The following HTR3B variants were observed in gnomAD, a reference collection of about 807,000 sequenced individuals.
HTR3B encodes the protein 5-hydroxytryptamine (serotonin) receptor 3B, ionotropic.
A neutral mutation model predicts 42.8 loss-of-function variants in HTR3B; 44 were observed. That is an observed-to-expected ratio of 1.03 (90% CI 0.81 to 1.32). The LOEUF is 1.32. HTR3B is among the 40% of genes most tolerant of loss of function. The probability of loss-of-function intolerance (pLI) is 0.00; values close to 1 mark genes in which losing one functional copy is unlikely to be tolerated. For synonymous variants in HTR3B, 203 were observed against 209.0 expected, an observed-to-expected ratio of 0.97 and a Z score of 0.25; for missense variants, 527 against 536.5, an observed-to-expected ratio of 0.98 and a Z score of 0.17.
intron 4 of HTR3B, 127 bp from the exon 5 acceptor site, chr11:113,932,162 T>C: frequency 1.3e-6 from 1 of 750,770 alleles, no homozygotes; most frequent in Non-Finnish European, 2.2e-6. Context: ...TCATGGAAAA[T>C]GCGATTCTGT....
intron 6 of HTR3B, among the ~76,000 whole-genome samples, chr11:113,940,400 C>G (rs1591586751): frequency 6.6e-6 from 1 of 152,204 alleles, no homozygotes; most frequent in Non-Finnish European, 1.5e-5. Context: ...CAACATAATA[C>G]CCCCATGGAC....
At chr11:113,899,767 G>A in the HTR3B span, among the ~76,000 whole-genome samples, 129 of 152,228 alleles carry the variant, frequency 8.5e-4, no homozygotes, top group African/African-American at 2.6e-3. Context: ...GACATCGGTC[G>A]ATCTAATAGG....
At chr11:113,910,814 T>C (rs935302440) in intron 2 of HTR3B, among the ~76,000 whole-genome samples, 19 of 148,932 alleles carry the variant, frequency 1.3e-4, no homozygotes, top group African/African-American at 4.7e-4. Flanking sequence ...CATTTACTTC[T>C]CAAAAATTGT....
At chr11:113,911,379 C>T (rs909146654) in intron 2 of HTR3B, among the ~76,000 whole-genome samples, 14 of 146,038 alleles carry the variant, frequency 9.6e-5, no homozygotes, top group East Asian at 2.1e-4. Flanking sequence ...TACAGGCATG[C>T]GCCACCACAT....
intron 2 of HTR3B, among the ~76,000 whole-genome samples, chr11:113,911,666 A>G (rs1216910223): frequency 6.6e-6 from 1 of 151,896 alleles, no homozygotes; most frequent in Non-Finnish European, 1.5e-5. Context: ...AGCTAGGATT[A>G]CAGGTGTCTG....
At chr11:113,909,130 A>G (rs1216738798) in intron 1 of HTR3B, 165 bp from the exon 2 acceptor site, 15 of 633,364 alleles carry the variant, frequency 2.4e-5, no homozygotes, top group Admixed American at 1.1e-4. Context: ...AGCTTACTTT[A>G]AGCATTTGCC....
chr11:113,903,065 A>G (rs1475503274), upstream of HTR3B, among the ~76,000 whole-genome samples: 1 of 152,068 alleles, frequency 6.6e-6, no homozygotes, highest in African/African-American at 2.4e-5. Flanking sequence ...GAGACAGGGT[A>G]TCCTTATGTA....
intron 2 of HTR3B, among the ~76,000 whole-genome samples, chr11:113,925,417 GTTTTTTTT>G (rs201996305): frequency 4.3e-4 from 43 of 100,728 alleles, no homozygotes; most frequent in African/African-American, 1.0e-3. Flanking sequence ...TTACGAATTT[GTTTTTTTT>G]TTTTTTTTTT....
At chr11:113,914,464 CA>C (rs1447461255) in intron 2 of HTR3B, among the ~76,000 whole-genome samples, 61 of 137,844 alleles carry the variant, frequency 4.4e-4, no homozygotes, top group Middle Eastern at 3.8e-3. Context: ...TACTCCAACT[CA>C]AAAAAAAAAA....
At chr11:113,945,365 C>T (rs1326757249) in intron 8 of HTR3B, among the ~76,000 whole-genome samples, 3 of 152,116 alleles carry the variant, frequency 2.0e-5, no homozygotes, top group Non-Finnish European at 4.4e-5. Context: ...GAACTCCTGA[C>T]CTCAGGTGAT....
chr11:113,945,097 G>A (rs893175129), intron 8 of HTR3B, among the ~76,000 whole-genome samples: 4 of 151,376 alleles, frequency 2.6e-5, no homozygotes, highest in South Asian at 2.1e-4. Flanking sequence ...GAGCCACTGC[G>A]CTCAGCTGAA....
At position 113,932,276 on chromosome 11, in the gene HTR3B, G is replaced by A; in HGVS notation, c.369-13G>A. ...CCTCTCTGTGACAACAAGTTCTCTTGTGTTTCATATAGTGTGGACATTGAA... is the reference window on the plus strand; with the variant it reads ...CCTCTCTGTGACAACAAGTTCTCTTATGTTTCATATAGTGTGGACATTGAA... On this transcript the variant is annotated splice_polypyrimidine_tract_variant and intron_variant, in intron 4 of 8. Transcript: ENST00000260191. 1 of 1,600,634 alleles carries A rather than the reference G, an allele frequency of 6.2e-7. No homozygotes were observed. The highest frequency in any genetic ancestry group is 2.2e-5 in the East Asian group (1 of 44,806).
intron 2 of HTR3B, among the ~76,000 whole-genome samples, chr11:113,918,890 C>G (rs1949884020): frequency 6.6e-6 from 1 of 152,096 alleles, no homozygotes; most frequent in Non-Finnish European, 1.5e-5. Flanking sequence ...CTCTTGACCT[C>G]AAGTGATCTG....
At position 113,946,045 on chromosome 11, in the gene HTR3B, T is replaced by A. The variant is rs1261402670; in HGVS notation, c.1234T>A (p.Phe412Ile). 2 of 1,613,770 alleles carry A rather than the reference T, an allele frequency of 1.2e-6. No homozygotes were observed. Among genetic ancestry groups the A allele is most frequent in the African/African-American group, 1.3e-5 (1 of 74,866 alleles). Residue 412 changes from phenylalanine (F) to isoleucine (I), a missense_variant, in exon 9 of 9, where the codon TTT (phenylalanine) becomes ATT (isoleucine). By Grantham distance (21) the Phe-to-Ile change is conservative. Transcript: ENST00000260191. Reference protein sequence around the residue: ...EAEWLVLLSRFDRLLFQSYLF... With the variant: ...EAEWLVLLSRIDRLLFQSYLF... ...AGAGTGGCTGGTCCTCCTGTCCCGCTTTGACCGACTGCTCTTCCAAAGCTA... is the reference window on the plus strand; with the variant it reads ...AGAGTGGCTGGTCCTCCTGTCCCGCATTGACCGACTGCTCTTCCAAAGCTA...
At chr11:113,899,560 G>A in the HTR3B span, among the ~76,000 whole-genome samples, 1 of 152,200 alleles carries the variant, frequency 6.6e-6, no homozygotes, top group Admixed American at 6.5e-5. Flanking sequence ...AAAGAACTTT[G>A]TTGGAGAGGA....
rs746609769 is a variant in HTR3B at position 113,932,478 on chromosome 11, C to T, written c.538+20C>T. 6.3e-7 allele frequency: 1 copy of T among 1,593,356 alleles called. No homozygotes were observed. ...ATACAGGTAAACCATGAGAGATACC[C>T]ATTAATGCTAGGTTGGTGCACATAG... On this transcript the variant is annotated intron_variant, in intron 5 of 8. Coordinates refer to ENST00000260191, the MANE Select transcript of HTR3B (RefSeq NM_006028.5).
chr11:113,909,285 T>A lies in HTR3B; in HGVS notation c.53-10T>A. 2.5e-6 allele frequency: 4 copies of A among 1,609,420 alleles called. No homozygotes were observed. Among genetic ancestry groups the A allele is most frequent in the South Asian group, 2.2e-5 (2 of 90,984 alleles). On this transcript the variant is annotated splice_polypyrimidine_tract_variant and intron_variant, in intron 1 of 8. Transcript: ENST00000260191. ...TACTTTTATCTTCACAATGATAGTTTATTTTCCAGGAATTCTAGCCACAGA... is the reference window on the plus strand; with the variant it reads ...TACTTTTATCTTCACAATGATAGTTAATTTTCCAGGAATTCTAGCCACAGA...
intron 2 of HTR3B, among the ~76,000 whole-genome samples, chr11:113,913,350 ATTTTTTTTTTTTTT>A (rs71063533): frequency 3.7e-3 from 227 of 61,538 alleles, no homozygotes; most frequent in Middle Eastern, 0.042. Context: ...TGTCTGGCTA[ATTTTTTTTTTTTTT>A]TTTTTTTTTT....
At chr11:113,934,406 GAAAA>G (rs1021251590) in intron 6 of HTR3B, among the ~76,000 whole-genome samples, 1 of 124,112 alleles carries the variant, frequency 8.1e-6, no homozygotes, top group Non-Finnish European at 1.8e-5. Flanking sequence ...AGGAAAGAAA[GAAAA>G]AAAGAAAGAA....
Sources: allele counts gnomAD v4.1 joint callset (sites outside exome capture counted in the v4.1 genomes callset), GRCh38; gene constraint gnomAD v4.1.1; transcripts MANE v1.5; gene names NCBI Gene and HGNC (gene_info 2026-07-23, HGNC 2026-07-21).